CNTRL: variants seen among roughly 807,000 people sequenced by gnomAD.
CNTRL encodes the protein centriolin.
A neutral mutation model predicts 303.7 loss-of-function variants in CNTRL; 233 were observed. The observed-to-expected ratio is 0.77, with a 90% CI of 0.69 to 0.86. The LOEUF (loss-of-function observed/expected upper bound fraction) is 0.86. CNTRL is among the 40% of genes least tolerant of loss of function. The pLI, the probability that CNTRL is intolerant of heterozygous loss-of-function variation, is 0.00. For synonymous variants in CNTRL, 900 were observed against 922.2 expected (o/e 0.98, Z 0.44); for missense variants, 2,524 against 2,650.6 (o/e 0.95, Z 1.05).
At chr9:121,150,634 T>C (rs1470285092) in intron 25 of CNTRL, 151 bp downstream of exon 25, 14 of 719,682 alleles carry the variant, frequency 1.9e-5, no homozygotes, top group Non-Finnish European at 2.9e-5. Context: ...AGCATTCTCT[T>C]ATTAAAATTC....
In CNTRL at chr9:121,175,180, C is replaced by T. The variant is rs573774388; in HGVS notation, c.6910C>T (p.Leu2304=). ...AGCGTCATCACCCAGTCTGTCTCAG[C>T]TGGAGTCTTCCCTCACAGAGGACTC... ...DSASSPSLSQ[L]ESSLTEDSQL... is the part of the protein sequence containing the mutation. The change falls in exon 43 of 44, where the codon CTG becomes TTG. Residue 2304 remains leucine, a synonymous_variant. Transcript: ENST00000373855. The T allele has an allele frequency of 1.2e-6, 2 of 1,614,170 alleles. No homozygotes were observed. Among genetic ancestry groups the T allele is most frequent in the Admixed American group, 1.7e-5 (1 of 60,012 alleles).
rs2047849168 is a variant in CNTRL, at chr9:121,074,964, A to G, written c.-308A>G. 2 of 456,108 alleles carry G rather than the reference A, an allele frequency of 4.4e-6. No individual in the cohort carries two copies. The highest frequency in any genetic ancestry group is 4.7e-5 in the Admixed American group (2 of 42,562). 28.3% of individuals were successfully genotyped at this position (456,108 alleles called of 1,614,324 possible). Reference sequence around the variant, plus strand: ...CGCGCGGCCCCTCGGCAACCGGCACAACACAACAAAATGGCTGCCGCGCCG... The same window carrying G: ...CGCGCGGCCCCTCGGCAACCGGCACGACACAACAAAATGGCTGCCGCGCCG... On this transcript the variant is annotated 5_prime_UTR_variant, in exon 1 of 44. Transcript: ENST00000373855.
At position 121,135,973 on chromosome 9, in the gene CNTRL, A is replaced by G; in HGVS notation, c.2193A>G (p.Arg731=). Residue 731 remains arginine (R), a synonymous_variant, in exon 15 of 44, where the codon AGA becomes AGG. Coordinates refer to ENST00000373855, the MANE Select transcript of CNTRL (RefSeq NM_007018.6). ...QLKEELEKVT[R]LTQLEQSALQ... Reference sequence around the variant, plus strand: ...AGGAAGAGTTGGAAAAAGTAACAAGACTTACCCAGGTAAGTAGGAGCATGA... The same window carrying G: ...AGGAAGAGTTGGAAAAAGTAACAAGGCTTACCCAGGTAAGTAGGAGCATGA... The G allele has an allele frequency of 1.9e-6, 3 of 1,604,314 alleles. No homozygotes were observed. The highest frequency in any genetic ancestry group is 2.2e-5 in the East Asian group (1 of 44,628).
At chr9:121,149,812 T>A (rs2052112639) in intron 24 of CNTRL, among the ~76,000 whole-genome samples, 1 of 152,204 alleles carries the variant, frequency 6.6e-6, no homozygotes, top group Admixed American at 6.5e-5. Flanking sequence ...GCTATCACGT[T>A]GGAGAGTGTT....
rs1390902650 is a variant in CNTRL, at chr9:121,177,351, T to C, written c.*165T>C. The C allele has an allele frequency of 2.1e-5, 13 of 616,412 alleles. No individual in the cohort carries two copies. The highest frequency in any genetic ancestry group is 9.9e-5 in the Admixed American group (3 of 30,344). The allele number at this position is 616,412 out of a possible 1,614,324, so 38.2% of individuals were successfully genotyped here. On this transcript the variant is annotated 3_prime_UTR_variant, in exon 44 of 44. Transcript: ENST00000373855. ...TGTACCATTAATGCCAATGTTTTTATAAATCACTTGTACATAGTACATATG... is the reference window on the plus strand; with the variant it reads ...TGTACCATTAATGCCAATGTTTTTACAAATCACTTGTACATAGTACATATG...
At chr9:121,128,759 ATTTTTATGGTTT>A (rs1257412896) in intron 14 of CNTRL, among the ~76,000 whole-genome samples, 5 of 152,070 alleles carry the variant, frequency 3.3e-5, no homozygotes, top group African/African-American at 1.2e-4. Context: ...TTCTTCTAGG[ATTTTTATGGTTT>A]TAGGTCTAAC....
rs529486010 is a variant in CNTRL at position 121,093,108 on chromosome 9, T to C, written c.349-1780T>C. On this transcript the variant is annotated intron_variant, in intron 4 of 43. Transcript: ENST00000373855. ...AGGCATGAGCCACCGCGCCCTGCCATATATTTATTTGTTTATTGTCTGTTT... is the reference window on the plus strand; with the variant it reads ...AGGCATGAGCCACCGCGCCCTGCCACATATTTATTTGTTTATTGTCTGTTT... 7.9e-5 allele frequency among the ~76,000 whole-genome samples: 12 copies of C among 151,920 alleles called. No individual in the cohort carries two copies. In the East Asian group the frequency reaches 2.3e-3, roughly 29 times the overall value.
intron 19 of CNTRL, among the ~76,000 whole-genome samples, chr9:121,143,357 C>G (rs7036541): frequency 0.39 from 58,727 of 151,996 alleles, 12,803 homozygotes; most frequent in South Asian, 0.65. Context: ...GCTGTCTGAT[C>G]GATCTGTCAC....
intron 25 of CNTRL, chr9:121,152,199 C>CT (rs1297009151): frequency 3.1e-6 from 1 of 326,492 alleles, no homozygotes; most frequent in Non-Finnish European, 5.7e-6. Context: ...AGACTTCTGT[C>CT]TATCTCTTCT....
At chr9:121,126,393 G>A (rs1046957102) in intron 14 of CNTRL, among the ~76,000 whole-genome samples, 5 of 152,072 alleles carry the variant, frequency 3.3e-5, no homozygotes, top group African/African-American at 1.2e-4. Flanking sequence ...TTGCACATTC[G>A]TTTGGAGATT....
intron 35 of CNTRL, among the ~76,000 whole-genome samples, chr9:121,165,852 CTAACAT>C (rs2053068830): frequency 1.3e-5 from 2 of 152,134 alleles, no homozygotes; most frequent in South Asian, 2.1e-4. Flanking sequence ...TTTTAAACAC[CTAACAT>C]TAAGTATTAT....
At chr9:121,144,116 A>G (rs763261281) in intron 20 of CNTRL, 34 bp downstream of exon 20, 11 of 1,530,046 alleles carry the variant, frequency 7.2e-6, no homozygotes, top group South Asian at 3.8e-5. Context: ...GTTTCCATCA[A>G]TGATGCTGCT....
chr9:121,168,372 C>G, intron 38 of CNTRL, 51 bp downstream of exon 38: 2 of 1,529,478 alleles, frequency 1.3e-6, no homozygotes, highest in Non-Finnish European at 1.8e-6. Context: ...ATTGGCTCTG[C>G]TGGTTGTCTT....
intron 32 of CNTRL, chr9:121,161,217 T>A: frequency 2.4e-6 from 1 of 418,740 alleles, no homozygotes; most frequent in Non-Finnish European, 4.4e-6. Flanking sequence ...TAAAAGTGAT[T>A]TGGGGTGGTG....
chr9:121,107,998 A>G lies in CNTRL; in HGVS notation c.1002+3A>G. On this transcript the variant is annotated splice_donor_region_variant and intron_variant, in intron 8 of 43. Coordinates refer to ENST00000373855, the MANE Select transcript of CNTRL (RefSeq NM_007018.6). ...ACTTAAACACAAAAAATGAATTGGTAAGTTCATATTTTACATTGCTTTGGC... is the reference window on the plus strand; with the variant it reads ...ACTTAAACACAAAAAATGAATTGGTGAGTTCATATTTTACATTGCTTTGGC... 1 of 1,561,616 alleles carries G rather than the reference A, an allele frequency of 6.4e-7. No homozygotes were observed. Among genetic ancestry groups the G allele is most frequent in the Non-Finnish European group, 8.6e-7 (1 of 1,158,106 alleles).
intron 7 of CNTRL, among the ~76,000 whole-genome samples, chr9:121,101,903 T>C (rs992892515): frequency 1.6e-4 from 24 of 152,056 alleles, no homozygotes; most frequent in African/African-American, 5.8e-4. Context: ...ATTGATGCAA[T>C]AATTAAGAGC....
chr9:121,121,706 A>C (rs1588159648), intron 12 of CNTRL: 1 of 836,852 alleles, frequency 1.2e-6, no homozygotes, highest in South Asian at 5.5e-5. Context: ...TTATGATTTA[A>C]CTCGCGGAGG....
chr9:121,159,043 T>G, intron 31 of CNTRL, 24 bp downstream of exon 31: 1 of 1,608,652 alleles, frequency 6.2e-7, no homozygotes, highest in Non-Finnish European at 8.5e-7. Context: ...TAGGGTTTTC[T>G]GAAGAGTCGT....
At position 121,173,522 on chromosome 9, in the gene CNTRL, C is replaced by T; in HGVS notation, c.6684+13C>T. 1.2e-6 allele frequency: 2 copies of T among 1,612,058 alleles called. No homozygotes were observed. Among genetic ancestry groups the T allele is most frequent in the Non-Finnish European group, 1.7e-6 (2 of 1,178,866 alleles). On this transcript the variant is annotated intron_variant, in intron 41 of 43. Transcript: ENST00000373855. ...AGTTCACATAATGGTAAGGGTTTATCCTGCTATTCTCTGGGTTCGTAGGAT... is the reference window on the plus strand; with the variant it reads ...AGTTCACATAATGGTAAGGGTTTATTCTGCTATTCTCTGGGTTCGTAGGAT...
Sources: allele counts gnomAD v4.1 joint callset (sites outside exome capture counted in the v4.1 genomes callset), GRCh38; gene constraint gnomAD v4.1.1; transcripts MANE v1.5; gene names NCBI Gene and HGNC (gene_info 2026-07-23, HGNC 2026-07-21).